The following MAML2 variants were observed in gnomAD, a reference collection of about 807,000 sequenced individuals.
MAML2 encodes the protein mastermind-like protein 2.
Under a neutral mutation model 96.1 loss-of-function variants are expected in MAML2, and 22 were observed. The ratio of observed to expected loss-of-function variants is 0.23; its 90% CI spans 0.16 to 0.33. The LOEUF (loss-of-function observed/expected upper bound fraction) is 0.33, where lower values mean the gene tolerates loss of function less well. Among genes scored for constraint, MAML2 ranks in the 10% least tolerant of loss-of-function variants. The pLI is 1.00. For synonymous variants in MAML2, 561 were observed against 521.3 expected (o/e 1.08, Z -1.04); for missense variants, 1,367 against 1,392.4 (o/e 0.98, Z 0.29).
chr11:96,226,424 C>A (rs1468720740), intron 1 of MAML2, among the ~76,000 whole-genome samples: 2 of 152,136 alleles, frequency 1.3e-5, no homozygotes, highest in Non-Finnish European at 2.9e-5. Context: ...CCAATAATGC[C>A]ATCCTCAGGC....
chr11:96,299,470 T>C (rs1194079127), intron 1 of MAML2, among the ~76,000 whole-genome samples: 1 of 151,956 alleles, frequency 6.6e-6, no homozygotes, highest in Non-Finnish European at 1.5e-5. Context: ...TTCCTGTGCA[T>C]GCTGACAGTT....
chr11:96,189,523 G>C (rs1221495253), intron 1 of MAML2, among the ~76,000 whole-genome samples: 1 of 152,208 alleles, frequency 6.6e-6, no homozygotes, highest in Non-Finnish European at 1.5e-5. Flanking sequence ...ACTAATTTCA[G>C]GTAACTGAAA....
chr11:95,999,550 CCAGG>C (rs1490059765), intron 2 of MAML2, among the ~76,000 whole-genome samples: 16 of 148,418 alleles, frequency 1.1e-4, no homozygotes, highest in Admixed American at 8.1e-4. Flanking sequence ...GGCAAAGTTA[CCAGG>C]CAGGTATTGT....
At chr11:96,069,267 CCT>C (rs1859301372) in intron 2 of MAML2, among the ~76,000 whole-genome samples, 1 of 149,964 alleles carries the variant, frequency 6.7e-6, no homozygotes, top group South Asian at 2.2e-4. Context: ...TTCCTCCCTT[CCT>C]CTCTTTCTTT....
chr11:96,172,703 G>A (rs1056612613), intron 1 of MAML2, among the ~76,000 whole-genome samples: 2 of 152,172 alleles, frequency 1.3e-5, no homozygotes, highest in African/African-American at 4.8e-5. Context: ...CAGAGAATGT[G>A]AGTTTACATT....
intron 1 of MAML2, among the ~76,000 whole-genome samples, chr11:96,180,845 A>G (rs1861472488): frequency 6.6e-6 from 1 of 152,226 alleles, no homozygotes; most frequent in African/African-American, 2.4e-5. Context: ...GAGTCAGCGA[A>G]GGGAGATAAG....
At chr11:96,235,629 TATTA>T (rs1862356899) in intron 1 of MAML2, among the ~76,000 whole-genome samples, 1 of 152,226 alleles carries the variant, frequency 6.6e-6, no homozygotes, top group Admixed American at 6.5e-5. Flanking sequence ...ATCTATTCCT[TATTA>T]ATTCTCTTTA....
chr11:96,300,283 T>G (rs1231728274), intron 1 of MAML2, among the ~76,000 whole-genome samples: 1 of 152,150 alleles, frequency 6.6e-6, no homozygotes, highest in Non-Finnish European at 1.5e-5. Flanking sequence ...AATATTGAAA[T>G]CTGCCAGGAT....
At chr11:96,018,891 G>C (rs1314256040) in intron 2 of MAML2, among the ~76,000 whole-genome samples, 1 of 152,194 alleles carries the variant, frequency 6.6e-6, no homozygotes, top group Non-Finnish European at 1.5e-5. Flanking sequence ...GCCTGGCTGA[G>C]AGTTAAGAAT....
intron 1 of MAML2, among the ~76,000 whole-genome samples, chr11:96,308,384 CTG>C (rs1257062798): frequency 7.9e-5 from 12 of 152,130 alleles, no homozygotes; most frequent in African/African-American, 1.2e-4. Context: ...ATTCAAGACT[CTG>C]TGTATTTAAG....
At chr11:96,206,557 G>A (rs1017297178) in intron 1 of MAML2, among the ~76,000 whole-genome samples, 1 of 152,152 alleles carries the variant, frequency 6.6e-6, no homozygotes, top group Admixed American at 6.5e-5. Context: ...GAGATTGTAC[G>A]ACTGCACTGC....
Position 96,162,388 on chromosome 11 carries a change from G to A in MAML2, c.514-68871C>T, listed in dbSNP as rs115019323. Among the ~76,000 whole-genome samples, 725 of 151,920 alleles carry A rather than the reference G, an allele frequency of 4.8e-3. 6 individuals carry two copies. Among genetic ancestry groups the A allele is most frequent in the African/African-American group, 0.015 (622 of 41,438 alleles). On this transcript the variant is annotated intron_variant, in intron 1 of 4. Coordinates refer to ENST00000524717, the MANE Select transcript of MAML2 (RefSeq NM_032427.4). ...CAGATCTAGCGATTGCTATGCTCCC[G>A]GAATTGTAGTAGGTTTTAGGTATTA... is the stretch of plus-strand genomic sequence containing the variant.
intron 1 of MAML2, among the ~76,000 whole-genome samples, chr11:96,152,588 T>C (rs1447592077): frequency 2.0e-5 from 3 of 152,224 alleles, no homozygotes; most frequent in Non-Finnish European, 4.4e-5. Context: ...TTTTCTTCAG[T>C]GTATCATGTG....
chr11:96,317,300 G>T (rs1266503381), intron 1 of MAML2, among the ~76,000 whole-genome samples: 1 of 152,100 alleles, frequency 6.6e-6, no homozygotes, highest in Non-Finnish European at 1.5e-5. Context: ...TGTCTTCAAA[G>T]CTAAAAAATA....
At chr11:96,139,491 G>A (rs12289203) in intron 1 of MAML2, among the ~76,000 whole-genome samples, 27,805 of 147,434 alleles carry the variant, frequency 0.19, 3,089 homozygotes, top group Middle Eastern at 0.3. Flanking sequence ...AAAAAAAAAA[G>A]ACAGTGGTAT....
chr11:96,018,450 T>A (rs1287627516), intron 2 of MAML2, among the ~76,000 whole-genome samples: 1 of 152,110 alleles, frequency 6.6e-6, no homozygotes, highest in East Asian at 1.9e-4. Context: ...GTATAGATGA[T>A]GAAAAGGAGT....
intron 2 of MAML2, among the ~76,000 whole-genome samples, chr11:96,005,480 C>T (rs770620735): frequency 3.0e-4 from 46 of 152,190 alleles, no homozygotes; most frequent in Non-Finnish European, 5.9e-4. Context: ...ATAAATACCA[C>T]TGTGATGAAA....
chr11:96,267,554 C>T (rs974800763), intron 1 of MAML2, among the ~76,000 whole-genome samples: 7 of 152,172 alleles, frequency 4.6e-5, no homozygotes, highest in African/African-American at 1.4e-4. Context: ...TAATGCTTAC[C>T]GCACATGGTG....
chr11:96,164,837 G>A (rs536065987), intron 1 of MAML2, among the ~76,000 whole-genome samples: 2 of 152,292 alleles, frequency 1.3e-5, no homozygotes, highest in South Asian at 2.1e-4. Flanking sequence ...CAAGGGCAAT[G>A]AGCCTCCCAA....
Sources: gnomAD v4.1 joint callset for allele counts (sites outside exome capture counted in the v4.1 genomes callset) on GRCh38, gnomAD v4.1.1 for gene constraint, MANE v1.5 for transcripts, NCBI Gene and HGNC (gene_info 2026-07-23, HGNC 2026-07-21) for gene names.